The following FAM117B variants were observed in gnomAD, a reference collection of about 807,000 sequenced individuals.
FAM117B encodes family with sequence similarity 117 member B.
In FAM117B, 22 loss-of-function variants were observed where a neutral mutation model predicts 52.8. That is an observed-to-expected ratio of 0.42 (90% CI 0.30 to 0.59). The LOEUF (loss-of-function observed/expected upper bound fraction) is 0.59, where lower values mean the gene tolerates loss of function less well. Ranked by LOEUF, FAM117B falls within the 20% of genes least tolerant of loss-of-function variation. FAM117B has a pLI of 0.22. For synonymous variants in FAM117B, 309 were observed against 324.1 expected, an observed-to-expected ratio of 0.95 and a Z score of 0.50; for missense variants, 678 against 802.6, an observed-to-expected ratio of 0.84 and a Z score of 1.88.
At chr2:202,691,592 A>G (rs558035951) in intron 1 of FAM117B, among the ~76,000 whole-genome samples, 16 of 151,934 alleles carry the variant, frequency 1.1e-4, no homozygotes, top group African/African-American at 3.9e-4. Context: ...TAGTTAGGGA[A>G]GAAAAGTGCC....
intron 1 of FAM117B, among the ~76,000 whole-genome samples, chr2:202,681,733 C>T (rs1315198630): frequency 1.3e-5 from 2 of 152,196 alleles, no homozygotes; most frequent in Non-Finnish European, 2.9e-5. Context: ...ACCTAAGTTG[C>T]ATTGTAGAAC....
chr2:202,765,127 C>T (rs377061081), intron 7 of FAM117B, among the ~76,000 whole-genome samples: 30 of 152,216 alleles, frequency 2.0e-4, no homozygotes, highest in African/African-American at 6.5e-4. Flanking sequence ...TTCCCTTGAC[C>T]GTCTTAGCTC....
In FAM117B at chr2:202,644,053, G is replaced by GTTTTTTTTTTTTTTTTTTTT. The variant is rs1219743876; in HGVS notation, c.601+8275_601+8276insTTTTTTTTTTTTTTTTTTTT. Among the ~76,000 whole-genome samples the GTTTTTTTTTTTTTTTTTTTT allele has an allele frequency of 1.7e-4, 10 of 60,160 alleles. 1 individual carries two copies. The highest frequency in any genetic ancestry group is 6.4e-4 in the South Asian group (1 of 1,554). 39.5% of individuals were successfully genotyped at this position (60,160 alleles called of 152,430 possible). A position where few individuals can be genotyped will look rare whatever the true frequency, so the allele number is the denominator to read the frequency against. ...ATGCTATACTACTGCTTTAGGAGCT[G>GTTTTTTTTTTTTTTTTTTTT]TTTTTTTTTTGTTTTTTTTTTTTTT... On this transcript the variant is annotated intron_variant, in intron 1 of 7. Transcript: ENST00000392238.
At chr2:202,723,295 C>T (rs1221811582) in intron 2 of FAM117B, among the ~76,000 whole-genome samples, 4 of 152,020 alleles carry the variant, frequency 2.6e-5, no homozygotes, top group Admixed American at 6.6e-5. Context: ...GTAATTGGTA[C>T]GTTAATAGTG....
rs946700290 is a variant in FAM117B, at chr2:202,635,179, G to T, written c.-9G>T. The T allele has an allele frequency of 1.6e-5, 21 of 1,275,830 alleles. No homozygotes were observed. In the South Asian group the frequency reaches 2.8e-4, roughly 17 times the overall value. The allele number at this position is 1,275,830 out of a possible 1,614,324, so 79.0% of individuals were successfully genotyped here. On this transcript the variant is annotated 5_prime_UTR_variant, in exon 1 of 8. Coordinates refer to ENST00000392238, the MANE Select transcript of FAM117B (RefSeq NM_173511.4). ...CCGTCTCGCCCAGTCACCGGGGAGG[G>T]GGGGGACCATGTCCCAGCGGGTGAG...
intron 1 of FAM117B, among the ~76,000 whole-genome samples, chr2:202,656,907 A>G (rs1442350998): frequency 6.6e-6 from 1 of 151,992 alleles, no homozygotes; most frequent in Non-Finnish European, 1.5e-5. Context: ...TGGTGAATTG[A>G]CCATTTTACT....
chr2:202,639,344 C>T (rs1039361722), intron 1 of FAM117B, among the ~76,000 whole-genome samples: 1 of 152,080 alleles, frequency 6.6e-6, no homozygotes, highest in African/African-American at 2.4e-5. Flanking sequence ...GTAGAACTTC[C>T]TACTCTTGAC....
chr2:202,762,594 T>C (rs1175284123), intron 7 of FAM117B, among the ~76,000 whole-genome samples: 2 of 152,188 alleles, frequency 1.3e-5, no homozygotes, highest in Non-Finnish European at 2.9e-5. Context: ...CAGCGTGAGT[T>C]TTTTTCTTTC....
At chr2:202,651,291 A>C (rs907399440) in intron 1 of FAM117B, among the ~76,000 whole-genome samples, 1 of 151,442 alleles carries the variant, frequency 6.6e-6, no homozygotes, top group African/African-American at 2.4e-5. Context: ...CGAACTCCTG[A>C]TTGCAGGTGA....
chr2:202,653,619 T>C (rs1689988377), intron 1 of FAM117B, among the ~76,000 whole-genome samples: 1 of 152,234 alleles, frequency 6.6e-6, no homozygotes, highest in South Asian at 2.1e-4. Flanking sequence ...TCTTGAAAAC[T>C]ATTTTCTTGT....
At chr2:202,714,811 T>TG (rs1224490237) in intron 2 of FAM117B, among the ~76,000 whole-genome samples, 1 of 151,800 alleles carries the variant, frequency 6.6e-6, no homozygotes, top group Non-Finnish European at 1.5e-5. Context: ...TAACCCTGAG[T>TG]GGACACAGCA....
intron 1 of FAM117B, among the ~76,000 whole-genome samples, chr2:202,684,693 C>T (rs1167516276): frequency 1.3e-5 from 2 of 151,614 alleles, no homozygotes; most frequent in East Asian, 1.9e-4. Context: ...AATTATAGTG[C>T]TGTTGCCTAT....
At chr2:202,728,742 C>T (rs1001665471) in intron 4 of FAM117B, among the ~76,000 whole-genome samples, 1 of 152,128 alleles carries the variant, frequency 6.6e-6, no homozygotes, top group Non-Finnish European at 1.5e-5. Flanking sequence ...TGTGTTAAAA[C>T]CAACAATTTT....
chr2:202,642,159 T>G (rs191419069), intron 1 of FAM117B, among the ~76,000 whole-genome samples: 1 of 146,220 alleles, frequency 6.8e-6, no homozygotes, highest in East Asian at 2.0e-4. Context: ...TTCACCATAT[T>G]GGACAGGCTG....
intron 4 of FAM117B, among the ~76,000 whole-genome samples, chr2:202,752,416 C>CTTT (rs57518801): frequency 4.4e-5 from 6 of 136,728 alleles, no homozygotes; most frequent in South Asian, 2.4e-4. Flanking sequence ...TATGCTTTTT[C>CTTT]TTTTTTTTTT....
intron 1 of FAM117B, among the ~76,000 whole-genome samples, chr2:202,672,349 G>T (rs1465979305): frequency 6.6e-6 from 1 of 151,956 alleles, no homozygotes; most frequent in Non-Finnish European, 1.5e-5. Flanking sequence ...AGTCGCTGGG[G>T]TTACAGGCGT....
At chr2:202,648,322 C>T (rs1244914601) in intron 1 of FAM117B, among the ~76,000 whole-genome samples, 1 of 152,020 alleles carries the variant, frequency 6.6e-6, no homozygotes, top group Admixed American at 6.6e-5. Flanking sequence ...CCAGCCTGGG[C>T]AACATGGTGA....
chr2:202,765,753 G>A lies in FAM117B; in HGVS notation c.1759G>A (p.Ala587Thr). ...LLPPPEPIEE[A>T]EG The stretch of plus-strand genomic sequence containing the variant: ...CCCACCACCAGAACCAATTGAGGAA[G>A]CTGAAGGATAGGTCACAGTGCAACG... The change falls in exon 8 of 8, where the codon GCT (alanine) becomes ACT (threonine). Residue 587 changes from alanine to threonine, a missense_variant. Ala to Thr is a moderately conservative substitution (Grantham distance 58, BLOSUM62 0). Around this residue, in one of 3 missense-constraint regions of FAM117B, gnomAD observed 68 missense variants for 80.6 expected, o/e 0.84. Transcript: ENST00000392238. The A allele has an allele frequency of 6.2e-7, 1 of 1,614,000 alleles. No individual in the cohort carries two copies.
At chr2:202,733,435 A>G (rs1008206794) in intron 4 of FAM117B, among the ~76,000 whole-genome samples, 42 of 152,122 alleles carry the variant, frequency 2.8e-4, no homozygotes, top group African/African-American at 9.7e-4. Context: ...TGAGGGTACT[A>G]CAGGAGACCA....
Sources: gnomAD v4.1 joint callset for allele counts (sites outside exome capture counted in the v4.1 genomes callset) on GRCh38, gnomAD v4.1.1 for gene constraint, gnomAD v4.1.1 regional missense constraint, MANE v1.5 for transcripts, NCBI Gene and HGNC (gene_info 2026-07-23, HGNC 2026-07-21) for gene names.